ATAD2B: variants seen among roughly 807,000 people sequenced by gnomAD.
The protein encoded by ATAD2B is ATPase family AAA domain-containing protein 2B.
Under a neutral mutation model 167.6 loss-of-function variants are expected in ATAD2B, and 40 were observed. The ratio of observed to expected loss-of-function variants is 0.24; its 90% CI spans 0.19 to 0.31. The LOEUF is 0.31. ATAD2B is among the 10% of genes least tolerant of loss of function. The probability of loss-of-function intolerance (pLI) is 1.00; values close to 1 mark genes in which losing one functional copy is unlikely to be tolerated. For missense variants in ATAD2B, 1,242 were observed against 1,757.2 expected (o/e 0.71, Z 5.24); for synonymous variants, 579 against 596.5 (o/e 0.97, Z 0.43).
At chr2:23,758,129 T>C (rs781120233) in intron 24 of ATAD2B, 28 bp from the exon 25 acceptor site, 3 of 1,493,616 alleles carry the variant, frequency 2.0e-6, no homozygotes, top group Admixed American at 2.3e-5. Flanking sequence ...AAAAAAGATA[T>C]GTAGAACTTG....
rs1704896049 is a variant in ATAD2B at position 23,926,631 on chromosome 2, T to C, written c.140A>G (p.Lys47Arg). 2.6e-6 allele frequency: 4 copies of C among 1,564,178 alleles called. No homozygotes were observed. The highest frequency in any genetic ancestry group is 3.5e-6 in the Non-Finnish European group (4 of 1,155,518). Residue 47 changes from lysine (K) to arginine (R), a missense_variant, in exon 1 of 28, where the codon AAG becomes AGG. Lys to Arg is a conservative substitution (Grantham distance 26). Around this residue, in one of 9 missense-constraint regions of ATAD2B, gnomAD observed 199 missense variants for 194.9 expected, o/e 1.02. Transcript: ENST00000238789. ...GGCGGGGCAGCTGGCGGCGCGGGTC[T>C]TGGAGGAGCGGGTCCGAGAGGAGAT... ...HFISSRTRSS[K>R]TRAASCPAAK...
At chr2:23,913,189 A>G (rs1485231846) in intron 1 of ATAD2B, among the ~76,000 whole-genome samples, 3 of 152,220 alleles carry the variant, frequency 2.0e-5, no homozygotes, top group Non-Finnish European at 2.9e-5. Flanking sequence ...AACTGACAAT[A>G]TATTAGGCCA....
chr2:23,872,166 A>G, intron 8 of ATAD2B: 2 of 295,654 alleles, frequency 6.8e-6, no homozygotes, highest in South Asian at 3.4e-5. Flanking sequence ...ATGAGCCACC[A>G]TGCCCAGCCT....
intron 15 of ATAD2B, among the ~76,000 whole-genome samples, chr2:23,827,441 T>C (rs1688423570): frequency 6.6e-6 from 1 of 152,204 alleles, no homozygotes. Flanking sequence ...TGGTAGACAG[T>C]ATAATAGAAA....
chr2:23,701,218 C>T, the ATAD2B span, among the ~76,000 whole-genome samples: 2 of 39,502 alleles, frequency 5.1e-5, no homozygotes. Context: ...ACACCCATTC[C>T]CCTCTCCTTC....
rs550385516 is a variant in ATAD2B, at chr2:23,750,309, G to A, written c.*1737C>T. On this transcript the variant is annotated 3_prime_UTR_variant, in exon 28 of 28. Transcript: ENST00000238789. ...CACAGACTAGGTACAAAGAAAACAC[G>A]TGGCATTTAAAAAAAAATTAAGCTA... 7.9e-5 allele frequency: 12 copies of A among 152,048 alleles called. No individual in the cohort carries two copies. The highest frequency in any genetic ancestry group is 3.9e-4 in the East Asian group (2 of 5,182). The allele number at this position is 152,048 out of a possible 1,614,324, so 9.4% of individuals were successfully genotyped here.
At chr2:23,782,750 T>G (rs1680250660) in intron 22 of ATAD2B, 119 bp downstream of exon 22, 2 of 775,558 alleles carry the variant, frequency 2.6e-6, no homozygotes, top group African/African-American at 3.6e-5. Context: ...ATTGAGAAGT[T>G]TTGAAAAACA....
the ATAD2B span, chr2:23,691,528 C>G: frequency 1.6e-6 from 1 of 637,576 alleles, no homozygotes; most frequent in Non-Finnish European, 2.8e-6. Flanking sequence ...CGTGTCACAG[C>G]ATTAGGTTCA....
chr2:23,860,736 C>CA (rs111591200), intron 12 of ATAD2B, among the ~76,000 whole-genome samples: 9,829 of 152,044 alleles, frequency 0.065, 409 homozygotes, highest in African/African-American at 0.12. Flanking sequence ...TTTGGGAAGC[C>CA]AAGGCAGGTG....
At chr2:23,813,698 TG>T in intron 17 of ATAD2B, among the ~76,000 whole-genome samples, 1 of 152,044 alleles carries the variant, frequency 6.6e-6, no homozygotes, top group Non-Finnish European at 1.5e-5. Context: ...TGAGCCATGA[TG>T]GTGCCACTGC....
At chr2:23,781,072 G>A (rs1679957974) in intron 22 of ATAD2B, among the ~76,000 whole-genome samples, 1 of 151,916 alleles carries the variant, frequency 6.6e-6, no homozygotes, top group African/African-American at 2.4e-5. Flanking sequence ...GCCAGGAGTT[G>A]GCCTGGCACT....
chr2:23,926,924 C>G lies in ATAD2B; in HGVS notation c.-154G>C. 1.1e-6 allele frequency: 1 copy of G among 926,200 alleles called. No homozygotes were observed. Among genetic ancestry groups the G allele is most frequent in the South Asian group, 2.0e-5 (1 of 50,246 alleles). The allele number at this position is 926,200 out of a possible 1,614,324, so 57.4% of individuals were successfully genotyped here. On this transcript the variant is annotated 5_prime_UTR_variant, in exon 1 of 28. Transcript: ENST00000238789. The stretch of plus-strand genomic sequence containing the variant: ...GAGCGCAGACGAGCACAAGAGAGAG[C>G]CGGGCAGAGGAAGGGAAGTCGGCGT...
intron 13 of ATAD2B, among the ~76,000 whole-genome samples, chr2:23,855,014 G>A (rs529828802): frequency 1.3e-4 from 20 of 152,212 alleles, no homozygotes; most frequent in Middle Eastern, 6.8e-3. Flanking sequence ...GGCCAACATG[G>A]CAAAACCCTG....
the ATAD2B span, among the ~76,000 whole-genome samples, chr2:23,700,854 G>A: frequency 2.2e-4 from 34 of 152,194 alleles, no homozygotes; most frequent in Middle Eastern, 0.01. This position sits in a 1 kb window ranked among gnomAD's most constrained non-coding sequence, Gnocchi z 4.6. Flanking sequence ...CCACTCACTC[G>A]CTGTTGGGAC....
the ATAD2B span, among the ~76,000 whole-genome samples, chr2:23,680,212 G>A: frequency 6.6e-6 from 1 of 152,148 alleles, no homozygotes; most frequent in Non-Finnish European, 1.5e-5. This position sits in a 1 kb window ranked among gnomAD's most constrained non-coding sequence, Gnocchi z 4.1. Flanking sequence ...GCTGGATCCT[G>A]AGAATTCTAG....
chr2:23,757,808 T>C lies in ATAD2B; in HGVS notation c.3688A>G (p.Asn1230Asp), dbSNP rs774037231. 5.7e-6 allele frequency: 9 copies of C among 1,569,906 alleles called. No homozygotes were observed. The highest frequency in any genetic ancestry group is 2.0e-5 in the Admixed American group (1 of 50,602). ...CTTTCCTCCTCAGTAGATGCAAAGT[T>C]CTCTTTTGTGCCTGCTCCATTGTTA... ...RLNNGAGTKE[N>D]FASTEEESSN... Residue 1230 changes from asparagine (N) to aspartate (D), a missense_variant, in exon 25 of 28, where the codon AAC (asparagine) becomes GAC (aspartate). Physicochemically the swap from Asn to Asp is conservative, Grantham distance 23 (BLOSUM62 1). Transcript: ENST00000238789.
chr2:23,696,503 C>T, the ATAD2B span: 1 of 1,530,386 alleles, frequency 6.5e-7, no homozygotes, highest in Non-Finnish European at 8.8e-7. The surrounding 1 kb of genome is among the most constrained non-coding windows in gnomAD (Gnocchi z 5.5). Flanking sequence ...CAACGTGGAC[C>T]ACGTGGAGAG....
intron 19 of ATAD2B, among the ~76,000 whole-genome samples, chr2:23,796,964 T>C (rs1682724550): frequency 6.6e-6 from 1 of 152,174 alleles, no homozygotes; most frequent in African/African-American, 2.4e-5. Context: ...TTTATTAGCC[T>C]CTATGATAAA....
chr2:23,851,807 G>A (rs1327336496), intron 13 of ATAD2B, among the ~76,000 whole-genome samples: 1 of 151,614 alleles, frequency 6.6e-6, no homozygotes. Context: ...TAAGAAAAAA[G>A]GTAGTATAAA....
Sources: gnomAD v4.1 joint callset for allele counts (sites outside exome capture counted in the v4.1 genomes callset) on GRCh38, gnomAD v4.1.1 for gene constraint, gnomAD v4.1.1 regional missense constraint, Gnocchi (gnomAD v3.1) non-coding constraint, MANE v1.5 for transcripts, NCBI Gene and HGNC (gene_info 2026-07-23, HGNC 2026-07-21) for gene names.